The following AXIN2 variants were observed in gnomAD, a reference collection of about 807,000 sequenced individuals.
AXIN2 encodes axin 2.
In AXIN2, 21 loss-of-function variants were observed where a neutral mutation model predicts 74.7. That is an observed-to-expected ratio of 0.28 (90% confidence interval 0.20 to 0.40). The LOEUF is 0.40. Among genes scored for constraint, AXIN2 ranks in the 10% least tolerant of loss-of-function variants. The pLI is 1.00. For missense variants in AXIN2, 1,144 were observed against 1,111.1 expected, an observed-to-expected ratio of 1.03 and a Z score of -0.42; for synonymous variants, 532 against 454.9, an observed-to-expected ratio of 1.17 and a Z score of -2.16.
At chr17:65,551,934 A>G (rs1401161312) in intron 2 of AXIN2, among the ~76,000 whole-genome samples, 4 of 152,218 alleles carry the variant, frequency 2.6e-5, no homozygotes, top group South Asian at 2.1e-4. Context: ...AGCACTGCAC[A>G]TGAACCCCTC....
At chr17:65,546,703 G>A (rs918586956) in intron 3 of AXIN2, among the ~76,000 whole-genome samples, 21 of 152,256 alleles carry the variant, frequency 1.4e-4, no homozygotes, top group East Asian at 3.9e-4. Context: ...GATAACCTGC[G>A]CACTTGATTG....
At chr17:65,533,858 C>T in intron 10 of AXIN2, 54 bp downstream of exon 10, 1 of 1,347,136 alleles carries the variant, frequency 7.4e-7, no homozygotes, top group Non-Finnish European at 9.9e-7. Flanking sequence ...CAGGCTCTGG[C>T]TCTTGGTTCT....
intron 10 of AXIN2, 87 bp downstream of exon 10, chr17:65,533,825 C>G (rs546693869): frequency 8.5e-5 from 45 of 528,220 alleles, no homozygotes; most frequent in African/African-American, 2.4e-4. Flanking sequence ...CCACCTAGGT[C>G]TGCTCAGCCA....
intron 10 of AXIN2, 63 bp downstream of exon 10, chr17:65,533,849 A>G (rs889511717): frequency 2.4e-6 from 3 of 1,241,248 alleles, no homozygotes; most frequent in Admixed American, 2.1e-5. Flanking sequence ...GAGCTGCTCC[A>G]GGCTCTGGCT....
Position 65,558,135 on chromosome 17 carries a change from C to T in AXIN2, c.486G>A (p.Lys162=), listed in dbSNP as rs1555583428. The change falls in exon 2 of 11, where the codon AAG becomes AAA. Residue 162 remains lysine (K), a synonymous_variant. Transcript: ENST00000307078. ...ACATGATGGAATCAATCTGCTGCTT[C>T]TTGATGCCATCTCTTATGTAGGTCT... The part of the protein sequence containing the change: ...ATKTYIRDGI[K]KQQIDSIMFD... 2.5e-6 allele frequency: 4 copies of T among 1,614,186 alleles called. 1 individual carries two copies. Among genetic ancestry groups the T allele is most frequent in the African/African-American group, 2.7e-5 (2 of 75,036 alleles).
At position 65,529,786 on chromosome 17, in the gene AXIN2, C is replaced by T; in HGVS notation, c.*190G>A. The T allele has an allele frequency of 1.2e-6, 1 of 833,206 alleles. No individual in the cohort carries two copies. Among genetic ancestry groups the T allele is most frequent in the East Asian group, 2.7e-5 (1 of 36,594 alleles). 51.6% of individuals were successfully genotyped at this position (833,206 alleles called of 1,614,324 possible). A position where few individuals can be genotyped will look rare whatever the true frequency, so the allele number is the denominator to read the frequency against. ...CAGGCTTTTCTTATCTCAGTCAGTA[C>T]CCAGCTCATGAATCATGAAAATCAA... On this transcript the variant is annotated 3_prime_UTR_variant, in exon 11 of 11. Coordinates refer to ENST00000307078, the MANE Select transcript of AXIN2 (RefSeq NM_004655.4).
At chr17:65,541,624 C>G in intron 3 of AXIN2, 67 bp from the exon 4 acceptor site, 3 of 1,283,678 alleles carry the variant, frequency 2.3e-6, no homozygotes, top group Non-Finnish European at 2.3e-6. Context: ...ACATGGGCTA[C>G]TGTCATATGC....
Position 65,530,196 on chromosome 17 carries a change from A to G in AXIN2, c.2406-94T>C. Reference sequence around the variant, plus strand: ...CCAACATGGAGGACTGAGGTATCCTAGGAATTTGCTATGGCAGGTGTGCCT... The same window carrying G: ...CCAACATGGAGGACTGAGGTATCCTGGGAATTTGCTATGGCAGGTGTGCCT... On this transcript the variant is annotated intron_variant, in intron 10 of 10. Transcript: ENST00000307078. 2.6e-6 allele frequency: 4 copies of G among 1,553,892 alleles called. No individual in the cohort carries two copies. The South Asian group carries it at 3.4e-5, about 13-fold the overall frequency.
In AXIN2 at chr17:65,538,079, CCACGCG is replaced by C. The variant is rs572768011; in HGVS notation, c.1200+118_1200+123del. On this transcript the variant is annotated intron_variant, in intron 5 of 10. Coordinates refer to ENST00000307078, the MANE Select transcript of AXIN2 (RefSeq NM_004655.4). ...GCCCAGGCACACACCCACACGCAGC[CCACGCG>C]CATGCGCATGCAACCCACGCACATG... 105 of 1,539,968 alleles carry C rather than the reference CCACGCG, an allele frequency of 6.8e-5. 1 individual carries two copies. In the African/African-American group the frequency reaches 1.4e-3, roughly 20 times the overall value.
chr17:65,537,229 A>G (rs2043941879), intron 6 of AXIN2, 95 bp downstream of exon 6: 3 of 1,583,382 alleles, frequency 1.9e-6, no homozygotes, highest in Non-Finnish European at 2.6e-6. Flanking sequence ...CTTAGAAACT[A>G]AATGCCTGTA....
intron 3 of AXIN2, among the ~76,000 whole-genome samples, chr17:65,549,161 C>T (rs921782261): frequency 6.6e-6 from 1 of 152,188 alleles, no homozygotes; most frequent in Middle Eastern, 3.2e-3. Context: ...GGTTTCTGGA[C>T]CAGCCAAGCA....
chr17:65,535,330 C>T (rs993865652), intron 9 of AXIN2, among the ~76,000 whole-genome samples: 27 of 152,200 alleles, frequency 1.8e-4, no homozygotes, highest in African/African-American at 6.5e-4. Context: ...TACTAAATTG[C>T]AAGTTGAATG....
At chr17:65,543,110 G>A (rs1339925560) in intron 3 of AXIN2, among the ~76,000 whole-genome samples, 2 of 152,152 alleles carry the variant, frequency 1.3e-5, no homozygotes, top group Non-Finnish European at 2.9e-5. Flanking sequence ...GTGCATAAAC[G>A]ATAATTGCAC....
chr17:65,541,649 G>A (rs551100614), intron 3 of AXIN2, 92 bp from the exon 4 acceptor site: 23 of 1,031,084 alleles, frequency 2.2e-5, no homozygotes, highest in South Asian at 1.7e-4. Flanking sequence ...TTGAGATCCC[G>A]CCGACAGGGC....
intron 6 of AXIN2, 32 bp downstream of exon 6, chr17:65,537,292 A>G (rs2043943392): frequency 1.2e-6 from 2 of 1,613,188 alleles, no homozygotes; most frequent in South Asian, 2.2e-5. Flanking sequence ...GACAAGCCCC[A>G]CACGGGACAC....
Position 65,536,849 on chromosome 17 carries a change from C to A in AXIN2, c.1907+20G>T, listed in dbSNP as rs758711638. ...GTGCCCATGACCCTCGCGGCCGCGGCGGCGGCAAGCGGTGTTTACCTATGG... is the reference window on the plus strand; with the variant it reads ...GTGCCCATGACCCTCGCGGCCGCGGAGGCGGCAAGCGGTGTTTACCTATGG... On this transcript the variant is annotated intron_variant, in intron 7 of 10. Coordinates refer to ENST00000307078, the MANE Select transcript of AXIN2 (RefSeq NM_004655.4). The A allele has an allele frequency of 6.2e-7, 1 of 1,612,470 alleles. No individual in the cohort carries two copies. Among genetic ancestry groups the A allele is most frequent in the South Asian group, 1.1e-5 (1 of 91,022 alleles).
At chr17:65,545,203 C>A (rs1049629777) in intron 3 of AXIN2, among the ~76,000 whole-genome samples, 4 of 152,164 alleles carry the variant, frequency 2.6e-5, no homozygotes, top group African/African-American at 9.7e-5. Context: ...GGCCTCCACA[C>A]CACTGACTTA....
Position 65,549,550 on chromosome 17 carries a change from T to A in AXIN2, c.926A>T (p.Asp309Val). 3 of 1,612,064 alleles carry A rather than the reference T, an allele frequency of 1.9e-6. No homozygotes were observed. Among genetic ancestry groups the A allele is most frequent in the Non-Finnish European group, 2.5e-6 (3 of 1,179,190 alleles). ...GCTGTCCGTCATGGACATGGAATCA[T>A]CCGTCAGCGCATCACTGGATATCTC... The part of the protein sequence containing the change: ...DSEISSDALT[D>V]DSMSMTDSSV... The change falls in exon 3 of 11, where the codon GAT becomes GTT. Residue 309 changes from aspartate (D) to valine (V), a missense_variant. Asp to Val is a radical substitution (Grantham distance 152, BLOSUM62 -3). Around this residue, in one of 4 missense-constraint regions of AXIN2, gnomAD observed 1,053 missense variants for 973.5 expected, o/e 1.08. Transcript: ENST00000307078.
At chr17:65,540,586 G>C in intron 4 of AXIN2, among the ~76,000 whole-genome samples, 1 of 152,134 alleles carries the variant, frequency 6.6e-6, no homozygotes, top group Non-Finnish European at 1.5e-5. Context: ...CAAATCTCAT[G>C]TTGAAATATG....
Sources: gnomAD v4.1 joint callset for allele counts (sites outside exome capture counted in the v4.1 genomes callset) on GRCh38, gnomAD v4.1.1 for gene constraint, gnomAD v4.1.1 regional missense constraint, MANE v1.5 for transcripts, NCBI Gene and HGNC (gene_info 2026-07-23, HGNC 2026-07-21) for gene names.